Variants in CRACD observed in about 807,000 individuals in gnomAD.
CRACD encodes capping protein inhibiting regulator of actin dynamics.
Under a neutral mutation model 106.8 loss-of-function variants are expected in CRACD, and 56 were observed. That is an observed-to-expected ratio of 0.52 (90% CI 0.42 to 0.66). The LOEUF (loss-of-function observed/expected upper bound fraction) is 0.66, where lower values mean the gene tolerates loss of function less well. CRACD is among the 30% of genes least tolerant of loss of function. CRACD has a pLI of 0.00. For synonymous variants in CRACD, 754 were observed against 670.8 expected (o/e 1.12, Z -1.92); for missense variants, 1,730 against 1,623.2 (o/e 1.07, Z -1.13).
At chr4:56,190,218 A>G (rs1400877174) in intron 2 of CRACD, among the ~76,000 whole-genome samples, 2 of 151,940 alleles carry the variant, frequency 1.3e-5, no homozygotes, top group African/African-American at 2.4e-5. Flanking sequence ...CCAGTCTATC[A>G]TTGTTGGACA....
At chr4:56,062,255 A>G (rs762930977) in intron 1 of CRACD, among the ~76,000 whole-genome samples, 6 of 152,242 alleles carry the variant, frequency 3.9e-5, no homozygotes, top group Non-Finnish European at 8.8e-5. Flanking sequence ...TTTAATTACA[A>G]TTGGAATGCA....
chr4:56,074,772 A>G (rs1732780472), intron 1 of CRACD, among the ~76,000 whole-genome samples: 1 of 152,162 alleles, frequency 6.6e-6, no homozygotes, highest in African/African-American at 2.4e-5. Flanking sequence ...CCGGTTTTCA[A>G]AGGGAATGGT....
intron 3 of CRACD, among the ~76,000 whole-genome samples, chr4:56,295,189 C>T (rs1466106535): frequency 6.6e-6 from 1 of 151,914 alleles, no homozygotes; most frequent in South Asian, 2.1e-4. Flanking sequence ...TAGCAAATTG[C>T]TCATTGTCTT....
At chr4:56,202,982 T>C (rs1269317633) in intron 2 of CRACD, among the ~76,000 whole-genome samples, 1 of 152,134 alleles carries the variant, frequency 6.6e-6, no homozygotes, top group Non-Finnish European at 1.5e-5. Flanking sequence ...GCTGAATTAG[T>C]TGAGGGGATA....
intron 1 of CRACD, among the ~76,000 whole-genome samples, chr4:56,155,053 C>T (rs931053501): frequency 6.6e-6 from 1 of 152,132 alleles, no homozygotes; most frequent in African/African-American, 2.4e-5. Context: ...ATCATCATAG[C>T]AGCCCTTTTA....
At chr4:56,065,155 T>G (rs1338644842) in intron 1 of CRACD, among the ~76,000 whole-genome samples, 1 of 152,072 alleles carries the variant, frequency 6.6e-6, no homozygotes, top group Non-Finnish European at 1.5e-5. Flanking sequence ...TGACATGATC[T>G]CAGCTCACTG....
intron 3 of CRACD, among the ~76,000 whole-genome samples, chr4:56,283,128 C>T (rs1743124045): frequency 6.6e-6 from 1 of 152,154 alleles, no homozygotes; most frequent in African/African-American, 2.4e-5. Context: ...TAGGTATGAG[C>T]ATAGAGCACT....
At chr4:56,112,602 C>A (rs1204918177) in intron 1 of CRACD, among the ~76,000 whole-genome samples, 7 of 152,080 alleles carry the variant, frequency 4.6e-5, no homozygotes, top group Non-Finnish European at 7.4e-5. Context: ...CCTCGGCTCC[C>A]CCTGTCTGAG....
intron 2 of CRACD, among the ~76,000 whole-genome samples, chr4:56,223,531 C>G (rs915185845): frequency 1.3e-5 from 2 of 152,090 alleles, no homozygotes; most frequent in African/African-American, 4.8e-5. Context: ...GGAGTCTATC[C>G]TGGTGTCTGG....
intron 1 of CRACD, among the ~76,000 whole-genome samples, chr4:56,142,366 T>C (rs1735233956): frequency 6.6e-6 from 1 of 152,212 alleles, no homozygotes; most frequent in Non-Finnish European, 1.5e-5. Flanking sequence ...TGTCTTTATT[T>C]TTTTGTGGAA....
At chr4:56,225,961 T>A (rs1044901810) in intron 2 of CRACD, among the ~76,000 whole-genome samples, 3 of 152,244 alleles carry the variant, frequency 2.0e-5, no homozygotes, top group African/African-American at 7.2e-5. Flanking sequence ...ATCCTGCTCT[T>A]CAACTTTCTC....
chr4:56,155,493 C>CATT (rs1735738165), intron 1 of CRACD, among the ~76,000 whole-genome samples: 1 of 152,196 alleles, frequency 6.6e-6, no homozygotes, highest in Non-Finnish European at 1.5e-5. Flanking sequence ...CAAAACATTG[C>CATT]ATTGGCAAAC....
chr4:56,290,887 G>A (rs576738166), intron 3 of CRACD, among the ~76,000 whole-genome samples: 18 of 152,158 alleles, frequency 1.2e-4, no homozygotes, highest in Non-Finnish European at 2.4e-4. Context: ...TGTGAAAACT[G>A]TTGCTCAGAT....
intron 1 of CRACD, among the ~76,000 whole-genome samples, chr4:56,104,819 T>G (rs1162075796): frequency 6.6e-6 from 1 of 151,830 alleles, no homozygotes; most frequent in African/African-American, 2.4e-5. Context: ...TACAAAAAAT[T>G]AGCTGGGCAT....
chr4:56,115,760 A>G (rs554041000), intron 1 of CRACD, among the ~76,000 whole-genome samples: 31 of 152,306 alleles, frequency 2.0e-4, no homozygotes, highest in African/African-American at 7.5e-4. Flanking sequence ...GCTATTTTAG[A>G]AACTTCCTTT....
chr4:56,263,156 T>C (rs1211069646), intron 2 of CRACD, among the ~76,000 whole-genome samples: 1 of 152,170 alleles, frequency 6.6e-6, no homozygotes, highest in Non-Finnish European at 1.5e-5. Context: ...AGTCATTCTT[T>C]CTAGCCAAAG....
chr4:56,301,100 A>G (rs138758474), intron 4 of CRACD: 6 of 539,964 alleles, frequency 1.1e-5, no homozygotes, highest in African/African-American at 1.0e-4. Flanking sequence ...TTGAAAACAT[A>G]AAAGGCTTTG....
chr4:56,123,574 A>G (rs1734561141), intron 1 of CRACD, among the ~76,000 whole-genome samples: 1 of 152,226 alleles, frequency 6.6e-6, no homozygotes, highest in Non-Finnish European at 1.5e-5. Flanking sequence ...AATCAATTTC[A>G]GAGGAGACAC....
At chr4:56,214,652 A>T (rs1373721047) in intron 2 of CRACD, among the ~76,000 whole-genome samples, 30 of 101,874 alleles carry the variant, frequency 2.9e-4, no homozygotes, top group Middle Eastern at 5.4e-3. Context: ...AGAGCTAGAC[A>T]CTCTCTCTCT....
Sources: allele counts gnomAD v4.1 joint callset (sites outside exome capture counted in the v4.1 genomes callset), GRCh38; gene constraint gnomAD v4.1.1; transcripts MANE v1.5; gene names NCBI Gene and HGNC (gene_info 2026-07-23, HGNC 2026-07-21).